Variants in ATRNL1 observed in about 807,000 individuals in gnomAD.
ATRNL1 encodes attractin-like protein 1.
In ATRNL1, 95 loss-of-function variants were observed where a neutral mutation model predicts 182.7. That is an observed-to-expected ratio of 0.52 (90% CI 0.44 to 0.62). The LOEUF is 0.62. ATRNL1 is among the 20% of genes least tolerant of loss of function. The probability of loss-of-function intolerance (pLI) is 0.00; values close to 1 mark genes in which losing one functional copy is unlikely to be tolerated. For missense variants in ATRNL1, 1,471 were observed against 1,679.5 expected (o/e 0.88, Z 2.17); for synonymous variants, 576 against 568.3 (o/e 1.01, Z -0.19).
intron 25 of ATRNL1, among the ~76,000 whole-genome samples, chr10:115,531,431 G>C (rs1249822027): frequency 6.6e-6 from 1 of 152,130 alleles, no homozygotes; most frequent in Non-Finnish European, 1.5e-5. Context: ...GTCTTCTTTT[G>C]AGAAGTGTCT....
At chr10:115,242,436 C>T (rs2133821623) in intron 10 of ATRNL1, among the ~76,000 whole-genome samples, 1 of 151,868 alleles carries the variant, frequency 6.6e-6, no homozygotes, top group South Asian at 2.1e-4. Flanking sequence ...CATTGTTTTT[C>T]TATGTATCAT....
At chr10:115,650,712 A>G (rs888002175) in intron 26 of ATRNL1, among the ~76,000 whole-genome samples, 2 of 152,130 alleles carry the variant, frequency 1.3e-5, no homozygotes, top group Non-Finnish European at 2.9e-5. Flanking sequence ...CATAAAAATT[A>G]AATGGCATAC....
chr10:115,094,142 T>G (rs2084950988), intron 1 of ATRNL1, 99 bp downstream of exon 1: 1 of 1,177,212 alleles, frequency 8.5e-7, no homozygotes, highest in Non-Finnish European at 1.1e-6. Context: ...CGTCGCTGCC[T>G]CTGATCCCCC....
chr10:115,226,770 C>T (rs149828195), intron 9 of ATRNL1, among the ~76,000 whole-genome samples: 162 of 151,908 alleles, frequency 1.1e-3, no homozygotes, highest in East Asian at 5.2e-3. Context: ...TTGAACATAA[C>T]GCCACACACT....
intron 20 of ATRNL1, among the ~76,000 whole-genome samples, chr10:115,425,009 C>T (rs2134390438): frequency 6.6e-6 from 1 of 152,126 alleles, no homozygotes; most frequent in East Asian, 1.9e-4. Flanking sequence ...TCCTTTTCTT[C>T]CAAGTTAGTG....
chr10:115,105,533 C>T (rs977180979), intron 1 of ATRNL1, among the ~76,000 whole-genome samples: 1 of 152,228 alleles, frequency 6.6e-6, no homozygotes, highest in African/African-American at 2.4e-5. Context: ...CAGGCCACGT[C>T]AGAGATCTTC....
chr10:115,848,030 T>A (rs1167700774), intron 28 of ATRNL1, 39 bp downstream of exon 28: 1 of 1,100,522 alleles, frequency 9.1e-7, no homozygotes, highest in East Asian at 2.4e-5. Flanking sequence ...TAAGCAAAAC[T>A]TGTAGACTGA....
At chr10:115,858,904 AGTCTCGGTGAC>A in intron 28 of ATRNL1, among the ~76,000 whole-genome samples, 1 of 152,056 alleles carries the variant, frequency 6.6e-6, no homozygotes, top group East Asian at 1.9e-4. Context: ...AAAATATTAG[AGTCTCGGTGAC>A]TTAAACAACA....
intron 26 of ATRNL1, among the ~76,000 whole-genome samples, chr10:115,592,427 T>C (rs1855966948): frequency 6.6e-6 from 1 of 152,184 alleles, no homozygotes; most frequent in Admixed American, 6.5e-5. Flanking sequence ...TTTACTATAG[T>C]CACAAAATTC....
In ATRNL1 at chr10:115,899,914, T is replaced by G. The variant is rs1238787977; in HGVS notation, c.4019-44744T>G. Among the ~76,000 whole-genome samples the G allele has an allele frequency of 2.6e-5, 4 of 152,148 alleles. No homozygotes were observed. The East Asian group carries it at 7.7e-4, about 29-fold the overall frequency. ...TTTCACCCTCAAAAAAGTAAATATC[T>G]TCATCTCATAAAAACTTGATTATAG... is the stretch of plus-strand genomic sequence containing the variant. On this transcript the variant is annotated intron_variant, in intron 28 of 28. Coordinates refer to ENST00000355044, the MANE Select transcript of ATRNL1 (RefSeq NM_207303.4).
Position 115,093,966 on chromosome 10 carries a change from C to T in ATRNL1, c.216C>T (p.Gly72=), listed in dbSNP as rs781852828. 1.9e-6 allele frequency: 3 copies of T among 1,587,784 alleles called. No homozygotes were observed. Among genetic ancestry groups the T allele is most frequent in the Admixed American group, 1.7e-5 (1 of 57,418 alleles). ...PCERTGSCFS[G]RCVNSTCLCD... ...AGAGGACCGGCTCCTGCTTCTCGGG[C>T]CGCTGTGTCAACTCCACCTGCCTCT... Residue 72 remains glycine, a synonymous_variant, in exon 1 of 29, where the codon GGC becomes GGT. Transcript: ENST00000355044. This position sits in a 1 kb window ranked among gnomAD's most constrained non-coding sequence, Gnocchi z 6.1.
intron 26 of ATRNL1, among the ~76,000 whole-genome samples, chr10:115,717,548 CTTTTTTTTT>C (rs61386440): frequency 3.6e-5 from 3 of 84,350 alleles, no homozygotes; most frequent in African/African-American, 8.7e-5. Context: ...CTGAAATGTT[CTTTTTTTTT>C]TTTTTTTTTT....
chr10:115,835,829 T>C (rs1288792046), intron 27 of ATRNL1, among the ~76,000 whole-genome samples: 1 of 152,146 alleles, frequency 6.6e-6, no homozygotes, highest in Admixed American at 6.5e-5. Flanking sequence ...GAGGACAGCC[T>C]CCATCCATGG....
chr10:115,633,746 A>G (rs917067631), intron 26 of ATRNL1, among the ~76,000 whole-genome samples: 13 of 152,240 alleles, frequency 8.5e-5, no homozygotes, highest in Middle Eastern at 3.4e-3. Flanking sequence ...TTTTTAAAAC[A>G]CTTTTAGCTA....
chr10:115,869,740 C>T (rs965366754), intron 28 of ATRNL1, among the ~76,000 whole-genome samples: 1 of 151,844 alleles, frequency 6.6e-6, no homozygotes, highest in Non-Finnish European at 1.5e-5. Flanking sequence ...ATATTTTATT[C>T]AGGACTTTAG....
intron 25 of ATRNL1, among the ~76,000 whole-genome samples, chr10:115,534,081 T>C (rs1851792661): frequency 6.6e-6 from 1 of 152,032 alleles, no homozygotes; most frequent in South Asian, 2.1e-4. Context: ...GTATATTCTG[T>C]GGATTTGGGA....
intron 26 of ATRNL1, among the ~76,000 whole-genome samples, chr10:115,659,442 A>T (rs1192533272): frequency 6.6e-6 from 1 of 152,006 alleles, no homozygotes; most frequent in Non-Finnish European, 1.5e-5. Context: ...GCATATATTT[A>T]TTGTGCATCC....
intron 10 of ATRNL1, among the ~76,000 whole-genome samples, chr10:115,264,217 T>C (rs1449510888): frequency 1.3e-5 from 2 of 151,714 alleles, no homozygotes; most frequent in Non-Finnish European, 3.0e-5. Context: ...TTATAATTTT[T>C]TGATGTTCAT....
intron 25 of ATRNL1, among the ~76,000 whole-genome samples, chr10:115,545,234 C>CAAAAAAAAAAAAA: frequency 1.1e-5 from 1 of 94,848 alleles, no homozygotes; most frequent in Non-Finnish European, 2.0e-5. Context: ...GACTCCGTAT[C>CAAAAAAAAAAAAA]AAAAAAAAAA....
Sources: allele counts gnomAD v4.1 joint callset (sites outside exome capture counted in the v4.1 genomes callset), GRCh38; gene constraint gnomAD v4.1.1; non-coding constraint Gnocchi (gnomAD v3.1); transcripts MANE v1.5; gene names NCBI Gene and HGNC (gene_info 2026-07-23, HGNC 2026-07-21).